C3orf70: variants seen among roughly 807,000 people sequenced by gnomAD.
C3orf70 encodes the protein chromosome 3 open reading frame 70.
Under a neutral mutation model 20.7 loss-of-function variants are expected in C3orf70, and 15 were observed. The observed-to-expected ratio is 0.72, with a 90% CI of 0.48 to 1.11. The LOEUF (loss-of-function observed/expected upper bound fraction) is 1.11, where lower values mean the gene tolerates loss of function less well. Ranked by LOEUF, C3orf70 falls within the 50% of genes most tolerant of loss-of-function variation. The probability of loss-of-function intolerance (pLI) is 0.00; values close to 1 mark genes in which losing one functional copy is unlikely to be tolerated. For synonymous variants in C3orf70, 161 were observed against 125.7 expected, an observed-to-expected ratio of 1.28 and a Z score of -1.88; for missense variants, 332 against 317.6, an observed-to-expected ratio of 1.05 and a Z score of -0.34.
chr3:185,080,198 T>A lies in C3orf70; in HGVS notation c.*2809A>T, dbSNP rs984618846. On this transcript the variant is annotated 3_prime_UTR_variant, in exon 2 of 2. Coordinates refer to ENST00000335012, the MANE Select transcript of C3orf70 (RefSeq NM_001025266.3). ...CCAATGGAATGTCTCTAATTCTATA[T>A]AGTAGATAGTAGCAAGTGAAGCTTA... 6.6e-6 allele frequency: 1 copy of A among 152,670 alleles called. No homozygotes were observed. The highest frequency in any genetic ancestry group is 1.9e-4 in the East Asian group (1 of 5,202). 9.5% of individuals were successfully genotyped at this position (152,670 alleles called of 1,614,324 possible).
chr3:185,116,699 A>G (rs536388211), intron 1 of C3orf70, among the ~76,000 whole-genome samples: 1 of 152,360 alleles, frequency 6.6e-6, no homozygotes, highest in Admixed American at 6.5e-5. Context: ...TATCTATTGA[A>G]AAATGACCTG....
In C3orf70 at chr3:185,082,177, G is replaced by GT. The variant is rs534306149; in HGVS notation, c.*829dup. On this transcript the variant is annotated 3_prime_UTR_variant, in exon 2 of 2. Transcript: ENST00000335012. ...ACATTCCCCAGCTAGCCCCAGCCAA[G>GT]TAAACCTCATCCTTCCCCTGGGTTC... 3 of 152,258 alleles carry GT rather than the reference G, an allele frequency of 2.0e-5. No homozygotes were observed. In the South Asian group the frequency reaches 6.2e-4, roughly 32 times the overall value. The allele number at this position is 152,258 out of a possible 1,614,324, so 9.4% of individuals were successfully genotyped here.
chr3:185,085,085 G>C (rs540640149), intron 1 of C3orf70, among the ~76,000 whole-genome samples: 3 of 152,088 alleles, frequency 2.0e-5, no homozygotes, highest in Non-Finnish European at 2.9e-5. Flanking sequence ...TCTCAAATGA[G>C]ACAAATTCCC....
At chr3:185,117,733 G>C (rs915704490) in intron 1 of C3orf70, among the ~76,000 whole-genome samples, 1 of 152,210 alleles carries the variant, frequency 6.6e-6, no homozygotes, top group East Asian at 1.9e-4. Context: ...AGGTATACAA[G>C]GCTTTCCATG....
intron 1 of C3orf70, among the ~76,000 whole-genome samples, chr3:185,111,452 G>T (rs1716071335): frequency 6.6e-6 from 1 of 152,020 alleles, no homozygotes; most frequent in South Asian, 2.1e-4. Context: ...CTTTAAAGAT[G>T]GTCAATAAGC....
chr3:185,104,037 A>T (rs574998188), intron 1 of C3orf70, among the ~76,000 whole-genome samples: 1 of 152,224 alleles, frequency 6.6e-6, no homozygotes, highest in African/African-American at 2.4e-5. Flanking sequence ...AGCTTTTCAG[A>T]TAAGAGAAGT....
intron 1 of C3orf70, among the ~76,000 whole-genome samples, chr3:185,087,038 C>A (rs1715472040): frequency 6.6e-6 from 1 of 152,014 alleles, no homozygotes; most frequent in African/African-American, 2.4e-5. Flanking sequence ...CGAGGCACTG[C>A]AAGATCCTGA....
At chr3:185,087,967 A>G (rs75870880) in intron 1 of C3orf70, among the ~76,000 whole-genome samples, 3,653 of 150,256 alleles carry the variant, frequency 0.024, 123 homozygotes, top group African/African-American at 0.085. Flanking sequence ...GCTGGAGGGC[A>G]ATAGCACGAT....
At chr3:185,119,767 T>C (rs1358464334) in intron 1 of C3orf70, among the ~76,000 whole-genome samples, 1 of 151,844 alleles carries the variant, frequency 6.6e-6, no homozygotes, top group Non-Finnish European at 1.5e-5. Flanking sequence ...GGCTCACGCC[T>C]GTAATCCCAG....
chr3:185,128,095 T>C (rs1716450596), intron 1 of C3orf70, among the ~76,000 whole-genome samples: 1 of 152,176 alleles, frequency 6.6e-6, no homozygotes, highest in African/African-American at 2.4e-5. Context: ...GTATGACAAA[T>C]AATGCTGATT....
At chr3:185,088,949 C>T (rs542843348) in intron 1 of C3orf70, among the ~76,000 whole-genome samples, 15 of 152,270 alleles carry the variant, frequency 9.9e-5, no homozygotes, top group African/African-American at 3.1e-4. Context: ...CACATCTTGT[C>T]AGACCCAAAC....
chr3:185,116,958 T>G (rs1716187611), intron 1 of C3orf70, among the ~76,000 whole-genome samples: 1 of 152,064 alleles, frequency 6.6e-6, no homozygotes, highest in Non-Finnish European at 1.5e-5. Context: ...TTTTTTGTAT[T>G]TTTAAGTAGA....
At chr3:185,084,426 A>G (rs1025141343) in intron 1 of C3orf70, among the ~76,000 whole-genome samples, 6 of 151,964 alleles carry the variant, frequency 3.9e-5, no homozygotes, top group African/African-American at 1.5e-4. Context: ...GCCACCCTCA[A>G]TGACTGGGGT....
At chr3:185,146,001 T>C (rs907211048) in intron 1 of C3orf70, among the ~76,000 whole-genome samples, 16 of 152,138 alleles carry the variant, frequency 1.1e-4, no homozygotes, top group African/African-American at 3.4e-4. Flanking sequence ...TCTCTATCTC[T>C]GGAAGAACCT....
intron 1 of C3orf70, among the ~76,000 whole-genome samples, chr3:185,118,291 C>A (rs73887806): frequency 0.052 from 7,911 of 152,250 alleles, 669 homozygotes; most frequent in African/African-American, 0.18. Context: ...GCTCGGGCAT[C>A]CTCCGTTCTA....
At chr3:185,096,696 G>A (rs6794937) in intron 1 of C3orf70, among the ~76,000 whole-genome samples, 45,104 of 152,040 alleles carry the variant, frequency 0.3, 8,784 homozygotes, top group African/African-American at 0.55. Flanking sequence ...CACCCAGAAC[G>A]TGTGGTTCCT....
At chr3:185,138,238 A>T (rs1716666843) in intron 1 of C3orf70, among the ~76,000 whole-genome samples, 1 of 152,164 alleles carries the variant, frequency 6.6e-6, no homozygotes, top group Non-Finnish European at 1.5e-5. Context: ...AGAAAATTGA[A>T]TTAGTAATTT....
intron 1 of C3orf70, among the ~76,000 whole-genome samples, chr3:185,151,763 AAACT>A (rs1443527210): frequency 1.3e-5 from 2 of 152,234 alleles, no homozygotes; most frequent in Non-Finnish European, 2.9e-5. Flanking sequence ...ATATATGTGG[AAACT>A]AACTTTAGAA....
At chr3:185,104,128 TC>T (rs1434058206) in intron 1 of C3orf70, among the ~76,000 whole-genome samples, 1 of 152,108 alleles carries the variant, frequency 6.6e-6, no homozygotes, top group African/African-American at 2.4e-5. Flanking sequence ...CCACTCTGGC[TC>T]CCCCCTCCGC....
Sources: gnomAD v4.1 joint callset for allele counts (sites outside exome capture counted in the v4.1 genomes callset) on GRCh38, gnomAD v4.1.1 for gene constraint, MANE v1.5 for transcripts, NCBI Gene and HGNC (gene_info 2026-07-23, HGNC 2026-07-21) for gene names.